Variants in TESPA1 observed in about 807,000 individuals in gnomAD.
The protein encoded by TESPA1 is protein TESPA1.
Under a neutral mutation model 57.9 loss-of-function variants are expected in TESPA1, and 33 were observed. The observed-to-expected ratio is 0.57, with a 90% CI of 0.43 to 0.76. TESPA1 has a LOEUF of 0.76. Among genes scored for constraint, TESPA1 ranks in the 30% least tolerant of loss-of-function variants. The probability of loss-of-function intolerance (pLI) is 0.00; values close to 1 mark genes in which losing one functional copy is unlikely to be tolerated. For missense variants in TESPA1, 618 were observed against 632.9 expected, an observed-to-expected ratio of 0.98 and a Z score of 0.25; for synonymous variants, 227 against 228.9, an observed-to-expected ratio of 0.99 and a Z score of 0.07.
chr12:54,977,247 A>G (rs756964054), intron 1 of TESPA1, among the ~76,000 whole-genome samples: 2 of 152,074 alleles, frequency 1.3e-5, no homozygotes, highest in Non-Finnish European at 2.9e-5. Flanking sequence ...CTTAATGAAT[A>G]CTCATTGTCT....
rs1394661488 is a variant in TESPA1, at chr12:54,949,723, A to G, written c.*669T>C. The G allele has an allele frequency of 6.6e-6, 1 of 152,578 alleles. No individual in the cohort carries two copies. Among genetic ancestry groups the G allele is most frequent in the Admixed American group, 6.5e-5 (1 of 15,278 alleles). The allele number at this position is 152,578 out of a possible 1,614,324, so 9.5% of individuals were successfully genotyped here. A position where few individuals can be genotyped will look rare whatever the true frequency, so the allele number is the denominator to read the frequency against. On this transcript the variant is annotated 3_prime_UTR_variant, in exon 11 of 11. Coordinates refer to ENST00000449076, the MANE Select transcript of TESPA1 (RefSeq NM_001136030.3). Reference sequence around the variant, plus strand: ...GGAGAAGAGACTCTGAATCCTACTTATCTCTTTTTCTATAAAGATGCAAAA... The same window carrying G: ...GGAGAAGAGACTCTGAATCCTACTTGTCTCTTTTTCTATAAAGATGCAAAA...
chr12:54,969,021 G>GTGTGTGTGTATATATATATA (rs370590552), intron 3 of TESPA1, among the ~76,000 whole-genome samples: 13 of 83,654 alleles, frequency 1.6e-4, no homozygotes, highest in Middle Eastern at 6.8e-3. Context: ...ATTTATATAT[G>GTGTGTGTGTATATATATATA]TATATATATA....
chr12:54,971,014 T>C (rs1951797316), intron 3 of TESPA1, among the ~76,000 whole-genome samples: 1 of 152,164 alleles, frequency 6.6e-6, no homozygotes, highest in South Asian at 2.1e-4. Context: ...GAGGCATAGT[T>C]TGCAAAGACA....
At chr12:54,963,531 A>C (rs1190837145) in intron 8 of TESPA1, among the ~76,000 whole-genome samples, 1 of 152,250 alleles carries the variant, frequency 6.6e-6, no homozygotes, top group Non-Finnish European at 1.5e-5. Flanking sequence ...AGGAAGCAGT[A>C]GTGGCCTGAA....
rs1364499907 is a variant in TESPA1 at position 54,974,424 on chromosome 12, T to A, written c.139A>T (p.Ser47Cys). ...LQDVPDPEPS[S>C]LDDVFQEGNP... ...CCTTCTTGGAAAACGTCATCCAGGC[T>A]GGAAGGCTCAGGATCTGGGACATCC... Residue 47 changes from serine (S) to cysteine (C), a missense_variant, in exon 2 of 11, where the codon AGC becomes TGC. Around this residue, in one of 3 missense-constraint regions of TESPA1, gnomAD observed 199 missense variants for 184.0 expected, o/e 1.08. Transcript: ENST00000449076. The A allele has an allele frequency of 6.2e-7, 1 of 1,609,398 alleles. No individual in the cohort carries two copies. Among genetic ancestry groups the A allele is most frequent in the South Asian group, 1.1e-5 (1 of 89,790 alleles).
In TESPA1 at chr12:54,962,709, T is replaced by C. The variant is rs1376768610; in HGVS notation, c.1189A>G (p.Ile397Val). The C allele has an allele frequency of 6.2e-7, 1 of 1,613,962 alleles. No homozygotes were observed. Among genetic ancestry groups the C allele is most frequent in the South Asian group, 1.1e-5 (1 of 91,080 alleles). The change falls in exon 9 of 11, where the codon ATA (isoleucine) becomes GTA (valine). Residue 397 changes from isoleucine to valine, a missense_variant. Ile to Val is a conservative substitution (Grantham distance 29, BLOSUM62 3). Transcript: ENST00000449076. Reference protein sequence around the residue: ...KVPCCTHSLPIEDPQWSTDPA... With the variant: ...KVPCCTHSLPVEDPQWSTDPA... Reference sequence around the variant, plus strand: ...TCTGTGCTCCACTGTGGATCTTCTATGGGCAGAGAATGTGTGCAACAGGGT... The same window carrying C: ...TCTGTGCTCCACTGTGGATCTTCTACGGGCAGAGAATGTGTGCAACAGGGT...
At chr12:54,961,314 G>C (rs371380401) in intron 9 of TESPA1, 47 bp from the exon 10 acceptor site, 7 of 1,609,562 alleles carry the variant, frequency 4.3e-6, no homozygotes, top group Middle Eastern at 1.7e-4. Flanking sequence ...AGGGGGAAAG[G>C]GGGTAAGGAA....
At chr12:54,952,909 C>G (rs538597189) in intron 10 of TESPA1, among the ~76,000 whole-genome samples, 197 of 152,046 alleles carry the variant, frequency 1.3e-3, no homozygotes, top group African/African-American at 4.5e-3. Context: ...CCTGTATGCC[C>G]TATCTTTCTT....
intron 9 of TESPA1, 40 bp from the exon 10 acceptor site, chr12:54,961,307 G>A: frequency 6.2e-7 from 1 of 1,611,424 alleles, no homozygotes; most frequent in Non-Finnish European, 8.5e-7. Context: ...AGAGCCAAGG[G>A]GGAAAGGGGG....
At chr12:54,956,802 G>T (rs1295081008) in intron 10 of TESPA1, among the ~76,000 whole-genome samples, 1 of 152,194 alleles carries the variant, frequency 6.6e-6, no homozygotes, top group African/African-American at 2.4e-5. Flanking sequence ...ATCTGGTGAG[G>T]GCCTCCTTGT....
chr12:54,973,665 G>A, intron 2 of TESPA1, 146 bp from the exon 3 acceptor site: 1 of 1,491,304 alleles, frequency 6.7e-7, no homozygotes, highest in Non-Finnish European at 8.9e-7. Flanking sequence ...TAAGATATGA[G>A]AGGAATACAC....
chr12:54,952,921 C>A (rs1565817133), intron 10 of TESPA1, among the ~76,000 whole-genome samples: 1 of 152,096 alleles, frequency 6.6e-6, no homozygotes, highest in Non-Finnish European at 1.5e-5. Context: ...ATCTTTCTTT[C>A]TGTTCCTTAT....
chr12:54,954,721 A>T (rs1452540726), intron 10 of TESPA1, among the ~76,000 whole-genome samples: 1 of 142,976 alleles, frequency 7.0e-6, no homozygotes, highest in Non-Finnish European at 1.5e-5. Context: ...ATATAGAGAG[A>T]TGATGTCCAC....
At chr12:54,955,899 C>G (rs777151143) in intron 10 of TESPA1, among the ~76,000 whole-genome samples, 6 of 152,112 alleles carry the variant, frequency 3.9e-5, no homozygotes, top group Non-Finnish European at 7.4e-5. Context: ...TCCCCCTTGT[C>G]TAATCTCTTC....
chr12:54,974,457 C>A lies in TESPA1; in HGVS notation c.106G>T (p.Ala36Ser), dbSNP rs369460871. 1.2e-6 allele frequency: 2 copies of A among 1,609,148 alleles called. No homozygotes were observed. The highest frequency in any genetic ancestry group is 1.7e-6 in the Non-Finnish European group (2 of 1,177,918). ...TQVLEEEAAA[A>S]LQDVPDPEPS... The stretch of plus-strand genomic sequence containing the variant: ...TCAGGATCTGGGACATCCTGCAGGG[C>A]GGCGGCAGCCTCCTCTTCTAGGACC... The change falls in exon 2 of 11, where the codon GCC (alanine) becomes TCC (serine). Residue 36 changes from alanine to serine, a missense_variant. Transcript: ENST00000449076.
intron 10 of TESPA1, among the ~76,000 whole-genome samples, chr12:54,960,883 A>G (rs577668070): frequency 2.6e-4 from 40 of 152,314 alleles, no homozygotes; most frequent in Middle Eastern, 6.8e-3. Context: ...ATCCAGGCCA[A>G]TTCAATCAGA....
At chr12:54,975,614 G>A (rs550599652) in intron 1 of TESPA1, among the ~76,000 whole-genome samples, 4 of 151,864 alleles carry the variant, frequency 2.6e-5, no homozygotes, top group Admixed American at 6.6e-5. Flanking sequence ...AACTCTCCAG[G>A]TCTTATCCCC....
Position 54,949,388 on chromosome 12 carries a change from T to A in TESPA1, c.*1004A>T, listed in dbSNP as rs1175510713. ...AAGTCCCTCTCTTCCTGTTTTTTTT[T>A]TTTTTTTCTTTTGTCTCACAATTTA... On this transcript the variant is annotated 3_prime_UTR_variant, in exon 11 of 11. Coordinates refer to ENST00000449076, the MANE Select transcript of TESPA1 (RefSeq NM_001136030.3). 1 of 151,712 alleles carries A rather than the reference T, an allele frequency of 6.6e-6. No individual in the cohort carries two copies. Among genetic ancestry groups the A allele is most frequent in the Non-Finnish European group, 1.5e-5 (1 of 67,882 alleles). The allele number at this position is 151,712 out of a possible 1,614,324, so 9.4% of individuals were successfully genotyped here. A position where few individuals can be genotyped will look rare whatever the true frequency, so the allele number is the denominator to read the frequency against.
At chr12:54,977,779 C>T (rs1361181422) in intron 1 of TESPA1, among the ~76,000 whole-genome samples, 1 of 152,154 alleles carries the variant, frequency 6.6e-6, no homozygotes, top group Admixed American at 6.5e-5. Flanking sequence ...AGAAAAGACA[C>T]AAGGTAGATC....
Sources: gnomAD v4.1 joint callset for allele counts (sites outside exome capture counted in the v4.1 genomes callset) on GRCh38, gnomAD v4.1.1 for gene constraint, gnomAD v4.1.1 regional missense constraint, MANE v1.5 for transcripts, NCBI Gene and HGNC (gene_info 2026-07-23, HGNC 2026-07-21) for gene names.